The following GREB1L variants were observed in gnomAD, a reference collection of about 807,000 sequenced individuals.
GREB1L encodes the protein GREB1 like retinoic acid receptor coactivator.
Under a neutral mutation model 200.8 loss-of-function variants are expected in GREB1L, and 17 were observed. The ratio of observed to expected loss-of-function variants is 0.08; its 90% CI spans 0.06 to 0.13. The LOEUF (loss-of-function observed/expected upper bound fraction) is 0.13. Among genes scored for constraint, GREB1L ranks in the 10% least tolerant of loss-of-function variants. The probability of loss-of-function intolerance (pLI) is 1.00; values close to 1 mark genes in which losing one functional copy is unlikely to be tolerated. For synonymous variants in GREB1L, 789 were observed against 893.0 expected, an observed-to-expected ratio of 0.88 and a Z score of 2.08; for missense variants, 1,657 against 2,367.7, an observed-to-expected ratio of 0.70 and a Z score of 6.23.
intron 7 of GREB1L, among the ~76,000 whole-genome samples, chr18:21,432,619 A>T (rs1388511861): frequency 7.0e-6 from 1 of 141,920 alleles, no homozygotes; most frequent in East Asian, 2.1e-4. Context: ...GAAGCATGGT[A>T]TGTCTTCGTA....
intron 1 of GREB1L, among the ~76,000 whole-genome samples, chr18:21,266,113 A>G (rs1391120255): frequency 1.3e-5 from 2 of 152,176 alleles, no homozygotes; most frequent in African/African-American, 2.4e-5. Context: ...ATTAAATCCT[A>G]TATGTCTCAA....
intron 7 of GREB1L, among the ~76,000 whole-genome samples, chr18:21,421,254 T>C (rs2032122700): frequency 6.6e-6 from 1 of 152,212 alleles, no homozygotes; most frequent in African/African-American, 2.4e-5. Flanking sequence ...ACTTTAAGTA[T>C]GTGCAGTTTA....
intron 1 of GREB1L, among the ~76,000 whole-genome samples, chr18:21,242,710 T>G (rs571291479): frequency 6.6e-6 from 1 of 152,268 alleles, no homozygotes; most frequent in South Asian, 2.1e-4. Context: ...CACCGGGCTC[T>G]ACTCGCTGCC....
intron 7 of GREB1L, among the ~76,000 whole-genome samples, chr18:21,426,788 C>G (rs1245856940): frequency 2.0e-5 from 3 of 151,760 alleles, no homozygotes. Flanking sequence ...GAAACCCTGT[C>G]TCTACTGAAA....
chr18:21,345,213 C>T (rs779350586), intron 1 of GREB1L, among the ~76,000 whole-genome samples: 3 of 152,118 alleles, frequency 2.0e-5, no homozygotes, highest in African/African-American at 4.8e-5. Context: ...ACAGCCATTT[C>T]GAAAACCATA....
In GREB1L at chr18:21,268,477, A is replaced by ATG. The variant is rs1197124499; in HGVS notation, c.-120+26096_-120+26097dup. ...AACAAGTTTCATGATGTCTATATATATGTGTGTGTGTGTATATATATACAT... is the reference window on the plus strand; with the variant it reads ...AACAAGTTTCATGATGTCTATATATATGTGTGTGTGTGTGTATATATATACAT... On this transcript the variant is annotated intron_variant, in intron 1 of 32. Coordinates refer to ENST00000424526, the MANE Select transcript of GREB1L (RefSeq NM_001142966.3). Among the ~76,000 whole-genome samples, 472 of 141,352 alleles carry ATG rather than the reference A, an allele frequency of 3.3e-3. 2 individuals are homozygous for ATG. Among genetic ancestry groups the ATG allele is most frequent in the Non-Finnish European group, 5.0e-3 (328 of 65,492 alleles). 92.7% of individuals were successfully genotyped at this position (141,352 alleles called of 152,430 possible). A position where few individuals can be genotyped will look rare whatever the true frequency, so the allele number is the denominator to read the frequency against.
intron 1 of GREB1L, among the ~76,000 whole-genome samples, chr18:21,326,191 A>G (rs1233819301): frequency 1.3e-5 from 2 of 152,186 alleles, no homozygotes; most frequent in African/African-American, 4.8e-5. Flanking sequence ...CATGGAAAAA[A>G]GAACAGTGTG....
chr18:21,484,514 A>G lies in GREB1L; in HGVS notation c.2557-1106A>G, dbSNP rs560423800. On this transcript the variant is annotated intron_variant, in intron 17 of 32. Transcript: ENST00000424526. ...AGAGCACTTAAATAAAAATGTCAAC[A>G]CATAATAAATAACAAAAGTGGGCCA... Among the ~76,000 whole-genome samples, 30 of 152,300 alleles carry G rather than the reference A, an allele frequency of 2.0e-4. No homozygotes were observed. The South Asian group carries it at 3.7e-3, about 19-fold the overall frequency.
chr18:21,383,134 A>C (rs1249955689), intron 2 of GREB1L, among the ~76,000 whole-genome samples: 1 of 152,158 alleles, frequency 6.6e-6, no homozygotes, highest in Non-Finnish European at 1.5e-5. Context: ...CCACTGATAG[A>C]GTTTCTAGGG....
At chr18:21,334,544 T>A (rs890595689) in intron 1 of GREB1L, among the ~76,000 whole-genome samples, 1 of 152,086 alleles carries the variant, frequency 6.6e-6, no homozygotes, top group African/African-American at 2.4e-5. Context: ...CCATTATTGA[T>A]CACGAGGTCA....
chr18:21,371,676 C>T (rs796561587), intron 2 of GREB1L, among the ~76,000 whole-genome samples: 2 of 149,852 alleles, frequency 1.3e-5, no homozygotes, highest in Non-Finnish European at 1.5e-5. Context: ...CGCAGCTACT[C>T]GGGAGGCTGA....
rs568199965 is a variant in GREB1L, at chr18:21,272,719, C to T, written c.-120+30326C>T. 6.6e-5 allele frequency among the ~76,000 whole-genome samples: 10 copies of T among 152,300 alleles called. No homozygotes were observed. In the East Asian group the frequency reaches 1.9e-3, roughly 29 times the overall value. The stretch of plus-strand genomic sequence containing the variant: ...TAATAACTGGTTGGCATACATCTCA[C>T]TTGGCTCAAAACTCAGAGGGTGAAG... On this transcript the variant is annotated intron_variant, in intron 1 of 32. Transcript: ENST00000424526.
chr18:21,418,251 C>T (rs2031832078), intron 7 of GREB1L, among the ~76,000 whole-genome samples: 1 of 152,044 alleles, frequency 6.6e-6, no homozygotes, highest in African/African-American at 2.4e-5. Context: ...TGAGGATATA[C>T]AGTCATTTCT....
chr18:21,398,054 A>C (rs2041159507), intron 5 of GREB1L, among the ~76,000 whole-genome samples: 1 of 152,190 alleles, frequency 6.6e-6, no homozygotes, highest in African/African-American at 2.4e-5. Context: ...AAAATCTCTC[A>C]TAATGCATTT....
At chr18:21,280,476 G>C (rs932560151) in intron 1 of GREB1L, among the ~76,000 whole-genome samples, 3 of 150,998 alleles carry the variant, frequency 2.0e-5, no homozygotes, top group Admixed American at 1.3e-4. Context: ...CATCTTGGTT[G>C]CCTCTAGTTT....
In GREB1L at chr18:21,508,375, C is replaced by T; in HGVS notation, c.4531-12C>T. On this transcript the variant is annotated splice_polypyrimidine_tract_variant and intron_variant, in intron 26 of 32. Coordinates refer to ENST00000424526, the MANE Select transcript of GREB1L (RefSeq NM_001142966.3). Reference sequence around the variant, plus strand: ...ATTTCCCTTTATGGTCTGTTTTTTTCCCTTTCAGCAGAATTTGAATGCAGT... The same window carrying T: ...ATTTCCCTTTATGGTCTGTTTTTTTTCCTTTCAGCAGAATTTGAATGCAGT... The T allele has an allele frequency of 6.5e-7, 1 of 1,549,994 alleles. No homozygotes were observed. Among genetic ancestry groups the T allele is most frequent in the Non-Finnish European group, 8.7e-7 (1 of 1,146,426 alleles).
intron 1 of GREB1L, among the ~76,000 whole-genome samples, chr18:21,315,438 A>G (rs1271458821): frequency 6.6e-6 from 1 of 152,120 alleles, no homozygotes; most frequent in African/African-American, 2.4e-5. Context: ...TGGCCCAGTA[A>G]TTTTTCATCT....
Position 21,316,503 on chromosome 18 carries a change from G to A in GREB1L, c.-119-49524G>A, listed in dbSNP as rs542000633. Among the ~76,000 whole-genome samples the A allele has an allele frequency of 2.0e-5, 3 of 152,290 alleles. No homozygotes were observed. The East Asian group carries it at 5.8e-4, about 29-fold the overall frequency. ...TTTCAAAGGCACCTGAAGAGATGAA[G>A]CTAGAATTAACAGGCAGAACATCAA... On this transcript the variant is annotated intron_variant, in intron 1 of 32. Transcript: ENST00000424526.
chr18:21,383,693 A>T lies in GREB1L; in HGVS notation c.157+18A>T. On this transcript the variant is annotated intron_variant, in intron 3 of 32. Transcript: ENST00000424526. ...ATCTGCAGGTAAGTTTCTCAATCACACACATTTCTGGATTCTTTTTTTTTG... is the reference window on the plus strand; with the variant it reads ...ATCTGCAGGTAAGTTTCTCAATCACTCACATTTCTGGATTCTTTTTTTTTG... The T allele has an allele frequency of 1.9e-6, 3 of 1,539,380 alleles. No homozygotes were observed. Among genetic ancestry groups the T allele is most frequent in the South Asian group, 2.5e-5 (2 of 81,012 alleles).
Sources: allele counts gnomAD v4.1 joint callset (sites outside exome capture counted in the v4.1 genomes callset), GRCh38; gene constraint gnomAD v4.1.1; transcripts MANE v1.5; gene names NCBI Gene and HGNC (gene_info 2026-07-23, HGNC 2026-07-21).